The following VPS13B variants were observed in gnomAD, a reference collection of about 807,000 sequenced individuals.
VPS13B encodes the protein vacuolar protein sorting 13 homolog B.
In VPS13B, 285 loss-of-function variants were observed where a neutral mutation model predicts 426.4. That is an observed-to-expected ratio of 0.67 (90% CI 0.61 to 0.74). The LOEUF (loss-of-function observed/expected upper bound fraction) is 0.74, where lower values mean the gene tolerates loss of function less well. Ranked by LOEUF, VPS13B falls within the 30% of genes least tolerant of loss-of-function variation. The probability of loss-of-function intolerance (pLI) is 0.00; values close to 1 mark genes in which losing one functional copy is unlikely to be tolerated. For synonymous variants in VPS13B, 1,676 were observed against 1,676.4 expected (o/e 1.00, Z 0.01); for missense variants, 4,537 against 4,782.6 (o/e 0.95, Z 1.51).
chr8:99,204,503 A>G (rs993200098), intron 17 of VPS13B, among the ~76,000 whole-genome samples: 1 of 152,258 alleles, frequency 6.6e-6, no homozygotes, highest in Non-Finnish European at 1.5e-5. Flanking sequence ...GCCAAAATTG[A>G]CAAATGGAAT....
chr8:99,842,886 C>T (rs902798552), intron 54 of VPS13B, among the ~76,000 whole-genome samples: 4 of 152,160 alleles, frequency 2.6e-5, no homozygotes, highest in African/African-American at 9.7e-5. Context: ...AGCACAGAGA[C>T]TTATGCCTGT....
intron 16 of VPS13B, among the ~76,000 whole-genome samples, chr8:99,180,713 C>A (rs911913633): frequency 6.6e-6 from 1 of 152,004 alleles, no homozygotes; most frequent in Non-Finnish European, 1.5e-5. Flanking sequence ...AGATATAGTT[C>A]ATATGAAGGA....
At chr8:99,431,901 T>A (rs546488426) in intron 22 of VPS13B, among the ~76,000 whole-genome samples, 56 of 152,228 alleles carry the variant, frequency 3.7e-4, no homozygotes, top group African/African-American at 1.3e-3. Context: ...TTTCTTGACT[T>A]AAAAAATTTT....
intron 19 of VPS13B, among the ~76,000 whole-genome samples, chr8:99,359,754 G>T (rs2133231632): frequency 6.6e-6 from 1 of 152,290 alleles, no homozygotes; most frequent in African/African-American, 2.4e-5. Flanking sequence ...TAAATGAAAA[G>T]TATGGCCTCT....
intron 35 of VPS13B, among the ~76,000 whole-genome samples, chr8:99,681,798 T>C (rs1052696593): frequency 7.2e-5 from 11 of 152,194 alleles, no homozygotes; most frequent in Admixed American, 6.5e-5. Flanking sequence ...TAATCCTTAA[T>C]TACTAAATTT....
chr8:99,199,201 A>C (rs1814140164), intron 17 of VPS13B, among the ~76,000 whole-genome samples: 1 of 152,022 alleles, frequency 6.6e-6, no homozygotes, highest in Non-Finnish European at 1.5e-5. Context: ...TATTTTTTTG[A>C]GATGGAGTCT....
At chr8:99,764,463 G>A (rs1034196589) in intron 39 of VPS13B, among the ~76,000 whole-genome samples, 1 of 147,636 alleles carries the variant, frequency 6.8e-6, no homozygotes, top group Admixed American at 6.8e-5. Flanking sequence ...GCCCAGGCTG[G>A]AGTGCAGTGG....
At chr8:99,616,811 C>G (rs190452158) in intron 33 of VPS13B, among the ~76,000 whole-genome samples, 41 of 152,266 alleles carry the variant, frequency 2.7e-4, no homozygotes, top group African/African-American at 9.4e-4. Context: ...AATAAATACA[C>G]CAGATATAAA....
intron 31 of VPS13B, among the ~76,000 whole-genome samples, chr8:99,566,552 T>G (rs1381077360): frequency 1.3e-5 from 2 of 152,100 alleles, no homozygotes; most frequent in Non-Finnish European, 1.5e-5. Context: ...GCAATTCTCC[T>G]GCCTCTCAGC....
At chr8:99,356,105 C>A (rs979080305) in intron 19 of VPS13B, among the ~76,000 whole-genome samples, 1 of 151,912 alleles carries the variant, frequency 6.6e-6, no homozygotes, top group Non-Finnish European at 1.5e-5. Flanking sequence ...AAAATAGAGG[C>A]CTAATATTAA....
chr8:99,084,737 G>C (rs547793930), intron 3 of VPS13B, among the ~76,000 whole-genome samples: 1 of 152,198 alleles, frequency 6.6e-6, no homozygotes, highest in Non-Finnish European at 1.5e-5. Context: ...GGAGCAGGTT[G>C]TTCAGTTTCC....
At chr8:99,247,101 T>G (rs529616858) in intron 17 of VPS13B, among the ~76,000 whole-genome samples, 2 of 152,272 alleles carry the variant, frequency 1.3e-5, no homozygotes, top group South Asian at 2.1e-4. Context: ...GTTAATTGAC[T>G]CTAGTTATTG....
intron 28 of VPS13B, chr8:99,507,863 C>T: frequency 6.2e-7 from 1 of 1,614,074 alleles, no homozygotes; most frequent in East Asian, 2.2e-5. Context: ...TGGTTCGACC[C>T]ATCAGCAAGC....
intron 34 of VPS13B, among the ~76,000 whole-genome samples, chr8:99,653,257 C>T (rs1829893654): frequency 6.6e-6 from 1 of 152,142 alleles, no homozygotes; most frequent in Non-Finnish European, 1.5e-5. Context: ...AAAAGGGAAA[C>T]TTTCATTTTT....
intron 19 of VPS13B, among the ~76,000 whole-genome samples, chr8:99,373,743 G>C (rs1342658883): frequency 6.6e-6 from 1 of 152,130 alleles, no homozygotes; most frequent in Non-Finnish European, 1.5e-5. Context: ...CCCTGAGCCT[G>C]AGATGGGAGG....
intron 3 of VPS13B, among the ~76,000 whole-genome samples, chr8:99,059,425 C>G (rs1490810648): frequency 6.6e-6 from 1 of 152,124 alleles, no homozygotes; most frequent in Non-Finnish European, 1.5e-5. Context: ...ATTTTCCCAC[C>G]TTGGCCTCCC....
intron 20 of VPS13B, among the ~76,000 whole-genome samples, chr8:99,388,267 A>T (rs539049294): frequency 6.6e-6 from 1 of 152,360 alleles, no homozygotes; most frequent in South Asian, 2.1e-4. Flanking sequence ...AGGAAAGGGC[A>T]GTAGGTTGGC....
intron 39 of VPS13B, among the ~76,000 whole-genome samples, chr8:99,735,724 G>A (rs1388001572): frequency 3.3e-5 from 5 of 152,192 alleles, no homozygotes; most frequent in Non-Finnish European, 5.9e-5. Flanking sequence ...CAACAAAGGA[G>A]TGGTCAAAAA....
intron 21 of VPS13B, among the ~76,000 whole-genome samples, chr8:99,403,850 T>C (rs559610120): frequency 1.3e-5 from 2 of 152,318 alleles, no homozygotes; most frequent in South Asian, 2.1e-4. Flanking sequence ...ACTGTTTTGA[T>C]AGGAAGATGG....
Sources: allele counts gnomAD v4.1 joint callset (sites outside exome capture counted in the v4.1 genomes callset), GRCh38; gene constraint gnomAD v4.1.1; transcripts MANE v1.5; gene names NCBI Gene and HGNC (gene_info 2026-07-23, HGNC 2026-07-21).